MYRIP: variants seen among roughly 807,000 people sequenced by gnomAD.
MYRIP encodes rab effector MyRIP.
MYRIP carries 49 observed loss-of-function variants against 98.0 expected under a neutral mutation model. The ratio of observed to expected loss-of-function variants is 0.50; its 90% CI spans 0.40 to 0.63. The LOEUF (loss-of-function observed/expected upper bound fraction) is 0.63, where lower values mean the gene tolerates loss of function less well. Ranked by LOEUF, MYRIP falls within the 30% of genes least tolerant of loss-of-function variation. The probability of loss-of-function intolerance (pLI) is 0.00; values close to 1 mark genes in which losing one functional copy is unlikely to be tolerated. For missense variants in MYRIP, 1,004 were observed against 1,058.2 expected, an observed-to-expected ratio of 0.95 and a Z score of 0.71; for synonymous variants, 404 against 409.5, an observed-to-expected ratio of 0.99 and a Z score of 0.16.
intron 11 of MYRIP, among the ~76,000 whole-genome samples, chr3:40,214,275 G>C (rs1452490579): frequency 6.6e-6 from 1 of 152,204 alleles, no homozygotes; most frequent in Non-Finnish European, 1.5e-5. Context: ...CTCACACAGA[G>C]GGGGAGCTCA....
intron 1 of MYRIP, among the ~76,000 whole-genome samples, chr3:39,889,811 A>G (rs1575349380): frequency 6.6e-6 from 1 of 152,208 alleles, no homozygotes; most frequent in Non-Finnish European, 1.5e-5. Flanking sequence ...TCATATTGAG[A>G]AAGGCATTTC....
rs1559374526 is a variant in MYRIP at position 40,036,317 on chromosome 3, A to AC, written c.111-7733_111-7732insC. ...CAACTGATACCAAAAAAAAAAAAAA[A>AC]AAAAAAACTTTATTCAAAATGAGCT... On this transcript the variant is annotated intron_variant, in intron 2 of 16. Coordinates refer to ENST00000302541, the MANE Select transcript of MYRIP (RefSeq NM_015460.4). Among the ~76,000 whole-genome samples, 11 of 149,530 alleles carry AC rather than the reference A, an allele frequency of 7.4e-5. No homozygotes were observed. In the East Asian group the frequency reaches 1.2e-3, roughly 16 times the overall value.
chr3:40,138,313 C>T (rs763845659), intron 3 of MYRIP, among the ~76,000 whole-genome samples: 26 of 152,218 alleles, frequency 1.7e-4, no homozygotes, highest in Non-Finnish European at 2.8e-4. Flanking sequence ...TTGGAGCTCT[C>T]GGTTGAGCTG....
In MYRIP at chr3:40,202,369, A is replaced by C. The variant is rs561291829; in HGVS notation, c.1666-7485A>C. 3.9e-5 allele frequency among the ~76,000 whole-genome samples: 6 copies of C among 152,256 alleles called. No homozygotes were observed. The South Asian group carries it at 1.0e-3, about 26-fold the overall frequency. On this transcript the variant is annotated intron_variant, in intron 10 of 16. Coordinates refer to ENST00000302541, the MANE Select transcript of MYRIP (RefSeq NM_015460.4). ...CAGACTGGGGTTGCTTTTATAAGGA[A>C]GATGATGAGGCTAAATAGGAGAAAA...
At chr3:40,021,126 G>C (rs1256809339) in intron 2 of MYRIP, among the ~76,000 whole-genome samples, 2 of 152,116 alleles carry the variant, frequency 1.3e-5, no homozygotes, top group East Asian at 3.9e-4. Context: ...ACCCCCCTTT[G>C]CTCTGGTAAG....
At chr3:40,047,273 G>C (rs1478838126) in intron 3 of MYRIP, among the ~76,000 whole-genome samples, 1 of 152,208 alleles carries the variant, frequency 6.6e-6, no homozygotes, top group East Asian at 1.9e-4. Context: ...GAGGAGGCAG[G>C]AGGCTTAGGT....
chr3:39,907,803 C>A (rs114524208), intron 2 of MYRIP, among the ~76,000 whole-genome samples: 2 of 152,162 alleles, frequency 1.3e-5, no homozygotes, highest in East Asian at 3.8e-4. Context: ...AGTCTGGATG[C>A]GACCTGAGTT....
chr3:40,072,471 T>A (rs1948252221), intron 3 of MYRIP, among the ~76,000 whole-genome samples: 1 of 152,198 alleles, frequency 6.6e-6, no homozygotes, highest in Non-Finnish European at 1.5e-5. Context: ...CCTCCTAAAG[T>A]GCTATGATTA....
At chr3:40,033,429 G>C (rs946554657) in intron 2 of MYRIP, among the ~76,000 whole-genome samples, 15 of 152,120 alleles carry the variant, frequency 9.9e-5, no homozygotes, top group Non-Finnish European at 1.3e-4. Flanking sequence ...ACCAATAACA[G>C]ACAAACAGAG....
rs112027570 is a variant in MYRIP at position 39,930,066 on chromosome 3, A to G, written c.110+29140A>G. 4.1e-3 allele frequency among the ~76,000 whole-genome samples: 618 copies of G among 152,164 alleles called. 3 individuals are homozygous for G. Among genetic ancestry groups the G allele is most frequent in the Middle Eastern group, 0.017 (5 of 294 alleles). ...GAAATATGTTTCACCTCTCTTGGGT[A>G]TATACTGAAGAGTGGAATTGCTAGT... On this transcript the variant is annotated intron_variant, in intron 2 of 16. Coordinates refer to ENST00000302541, the MANE Select transcript of MYRIP (RefSeq NM_015460.4).
rs367884616 is a variant in MYRIP at position 40,193,999 on chromosome 3, C to T, written c.1665+3536C>T. Among the ~76,000 whole-genome samples, 19 of 152,138 alleles carry T rather than the reference C, an allele frequency of 1.2e-4. No homozygotes were observed. The East Asian group carries it at 3.3e-3, about 26-fold the overall frequency. ...AGATTTCAGATCTTTGATGGTTACA[C>T]GTGAAACTATTCTCTCCTTGTCTCT... is the stretch of plus-strand genomic sequence containing the variant. On this transcript the variant is annotated intron_variant, in intron 10 of 16. Transcript: ENST00000302541.
chr3:40,189,354 A>G (rs879490796), intron 9 of MYRIP, among the ~76,000 whole-genome samples: 1 of 152,244 alleles, frequency 6.6e-6, no homozygotes, highest in Non-Finnish European at 1.5e-5. Flanking sequence ...AAAAGAGCCA[A>G]GAGCAGATGT....
At chr3:40,139,745 A>T (rs1949855291) in intron 3 of MYRIP, among the ~76,000 whole-genome samples, 1 of 151,870 alleles carries the variant, frequency 6.6e-6, no homozygotes, top group Non-Finnish European at 1.5e-5. Context: ...ACACCCAGTT[A>T]ATTTTTGTAT....
intron 2 of MYRIP, among the ~76,000 whole-genome samples, chr3:39,925,378 G>C (rs981468023): frequency 6.6e-6 from 1 of 152,002 alleles, no homozygotes; most frequent in African/African-American, 2.4e-5. Context: ...GTGCAGATTT[G>C]TTATGGGGGT....
At chr3:39,953,971 C>A (rs1203960759) in intron 2 of MYRIP, among the ~76,000 whole-genome samples, 4 of 152,138 alleles carry the variant, frequency 2.6e-5, no homozygotes, top group Non-Finnish European at 5.9e-5. Context: ...GAGGGGCGTC[C>A]ACCATTACTG....
At chr3:40,236,311 C>T (rs1433895596) in intron 12 of MYRIP, among the ~76,000 whole-genome samples, 1 of 152,144 alleles carries the variant, frequency 6.6e-6, no homozygotes, top group Non-Finnish European at 1.5e-5. Flanking sequence ...AATAATACAT[C>T]CTCATTATTT....
chr3:39,966,358 C>T (rs748610730), intron 2 of MYRIP, among the ~76,000 whole-genome samples: 2 of 152,146 alleles, frequency 1.3e-5, no homozygotes, highest in South Asian at 2.1e-4. Flanking sequence ...ACAGATAATA[C>T]GCATTTGAAA....
At chr3:40,102,733 A>G (rs1948970278) in intron 3 of MYRIP, among the ~76,000 whole-genome samples, 1 of 151,886 alleles carries the variant, frequency 6.6e-6, no homozygotes. Flanking sequence ...TTAGGTATGT[A>G]CACCCTGGAG....
intron 1 of MYRIP, among the ~76,000 whole-genome samples, chr3:39,892,755 T>C (rs532434692): frequency 4.3e-4 from 66 of 152,326 alleles, no homozygotes; most frequent in Middle Eastern, 3.4e-3. Flanking sequence ...GAAAAGCCAC[T>C]CATGAATGAC....
Sources: gnomAD v4.1 joint callset for allele counts (sites outside exome capture counted in the v4.1 genomes callset) on GRCh38, gnomAD v4.1.1 for gene constraint, MANE v1.5 for transcripts, NCBI Gene and HGNC (gene_info 2026-07-23, HGNC 2026-07-21) for gene names.